BRIP1: variants seen among roughly 807,000 people sequenced by gnomAD.
BRIP1 encodes BRCA1 interacting DNA helicase 1, also known as Fanconi anemia group J protein.
A neutral mutation model predicts 119.7 loss-of-function variants in BRIP1; 88 were observed. The observed-to-expected ratio is 0.74, with a 90% CI of 0.62 to 0.88. BRIP1 has a LOEUF of 0.88. Ranked by LOEUF, BRIP1 falls within the 40% of genes least tolerant of loss-of-function variation. BRIP1 has a pLI of 0.00. For synonymous variants in BRIP1, 443 were observed against 496.5 expected (o/e 0.89, Z 1.43); for missense variants, 1,259 against 1,455.4 (o/e 0.87, Z 2.20).
In BRIP1 at chr17:61,789,591, ATATCAGAACTGTTTAT is replaced by A. The variant is rs1262486880; in HGVS notation, c.1473+3990_1473+4005del. On this transcript the variant is annotated intron_variant, in intron 10 of 19. Transcript: ENST00000259008. The surrounding 1 kb of genome is among the most constrained non-coding windows in gnomAD (Gnocchi z 4.8). Reference sequence around the variant, plus strand: ...AAACCACAATTCATAAGGGATGTTCATATCAGAACTGTTTATTATACTGGGAAACTGGAAATAACCT... The same window carrying A: ...AAACCACAATTCATAAGGGATGTTCATATACTGGGAAACTGGAAATAACCT... Among the ~76,000 whole-genome samples, 1 of 152,188 alleles carries A rather than the reference ATATCAGAACTGTTTAT, an allele frequency of 6.6e-6. No homozygotes were observed. Among genetic ancestry groups the A allele is most frequent in the Non-Finnish European group, 1.5e-5 (1 of 68,032 alleles).
intron 17 of BRIP1, among the ~76,000 whole-genome samples, chr17:61,711,285 G>C (rs944713892): frequency 6.6e-5 from 10 of 151,848 alleles, no homozygotes; most frequent in African/African-American, 2.4e-4. Context: ...ACTGAGCTAA[G>C]AATACTTATT....
chr17:61,686,035 T>C lies in BRIP1; in HGVS notation c.2706A>G (p.Ile902Met), dbSNP rs587780244. 1.5e-5 allele frequency: 24 copies of C among 1,613,818 alleles called. No individual in the cohort carries two copies. The highest frequency in any genetic ancestry group is 5.1e-6 in the Non-Finnish European group (6 of 1,179,904). The change falls in exon 19 of 20, where the codon ATA becomes ATG. Residue 902 changes from isoleucine to methionine, a missense_variant. Physicochemically the swap from Ile to Met is conservative, Grantham distance 10. Around this residue, in one of 3 missense-constraint regions of BRIP1, gnomAD observed 753 missense variants for 891.8 expected, o/e 0.84. Transcript: ENST00000259008. The surrounding 1 kb of genome is among the most constrained non-coding windows in gnomAD (Gnocchi z 5.4). Reference sequence around the variant, plus strand: ...CTTCAAGTGTAGACTCATTGTCCTGTATATTGGTTCTGTCCTTTATGGATA... The same window carrying C: ...CTTCAAGTGTAGACTCATTGTCCTGCATATTGGTTCTGTCCTTTATGGATA... ...LNVSIKDRTN[I>M]QDNESTLEVT...
rs2077501454 is a variant in BRIP1, at chr17:61,774,285, G to A, written c.2097+2116C>T. Among the ~76,000 whole-genome samples the A allele has an allele frequency of 6.6e-6, 1 of 152,114 alleles. No individual in the cohort carries two copies. The highest frequency in any genetic ancestry group is 6.6e-5 in the Admixed American group (1 of 15,264). On this transcript the variant is annotated intron_variant, in intron 14 of 19. Transcript: ENST00000259008. The surrounding 1 kb of genome is among the most constrained non-coding windows in gnomAD (Gnocchi z 5.8). ...AAAGGATGAGTTCATGTCCTTTGCA[G>A]GGACATGGATGAAGCTGGAAACCAT...
chr17:61,846,972 G>C lies in BRIP1; in HGVS notation c.627+129C>G. 1 of 1,025,122 alleles carries C rather than the reference G, an allele frequency of 9.8e-7. No individual in the cohort carries two copies. The highest frequency in any genetic ancestry group is 1.5e-6 in the Non-Finnish European group (1 of 676,788). 63.5% of individuals were successfully genotyped at this position (1,025,122 alleles called of 1,614,324 possible). Reference sequence around the variant, plus strand: ...ACACATTAGTAACAGAGATGTGACAGCATTGAGGACTTCTGAGTGGGTTGC... The same window carrying C: ...ACACATTAGTAACAGAGATGTGACACCATTGAGGACTTCTGAGTGGGTTGC... On this transcript the variant is annotated intron_variant, in intron 6 of 19. Transcript: ENST00000259008. The surrounding 1 kb of genome is among the most constrained non-coding windows in gnomAD (Gnocchi z 4.3).
rs2077178983 is a variant in BRIP1 at position 61,754,840 on chromosome 17, T to C, written c.2098-10249A>G. Among the ~76,000 whole-genome samples the C allele has an allele frequency of 6.6e-6, 1 of 152,102 alleles. No individual in the cohort carries two copies. The highest frequency in any genetic ancestry group is 2.4e-5 in the African/African-American group (1 of 41,410). On this transcript the variant is annotated intron_variant, in intron 14 of 19. Coordinates refer to ENST00000259008, the MANE Select transcript of BRIP1 (RefSeq NM_032043.3). The surrounding 1 kb of genome is among the most constrained non-coding windows in gnomAD (Gnocchi z 4.1). ...TGAAGTTTTCTGGTGTCTCTTCTTA[T>C]AAGAACACTAATCCTATCAGATAAG... is the stretch of plus-strand genomic sequence containing the variant.
In BRIP1 at chr17:61,804,064, C is replaced by T. The variant is rs933012633; in HGVS notation, c.919-2590G>A. On this transcript the variant is annotated intron_variant, in intron 7 of 19. Coordinates refer to ENST00000259008, the MANE Select transcript of BRIP1 (RefSeq NM_032043.3). The surrounding 1 kb of genome is among the most constrained non-coding windows in gnomAD (Gnocchi z 4.5). ...AAATTGCTTTTTTAAAGAATATGTG[C>T]ACATACATTATAGCAAATACATTTT... 2.8e-4 allele frequency among the ~76,000 whole-genome samples: 42 copies of T among 152,038 alleles called. No individual in the cohort carries two copies. The highest frequency in any genetic ancestry group is 1.6e-3 in the Admixed American group (25 of 15,260).
chr17:61,689,551 G>A lies in BRIP1; in HGVS notation c.2576-3386C>T, dbSNP rs956986482. ...CGAAAACTTAATAAACCTGGGGGGA[G>A]GAAAATGACATCCAAATACATGAAG... On this transcript the variant is annotated intron_variant, in intron 18 of 19. Transcript: ENST00000259008. This position sits in a 1 kb window ranked among gnomAD's most constrained non-coding sequence, Gnocchi z 4.5. Among the ~76,000 whole-genome samples the A allele has an allele frequency of 6.6e-5, 10 of 152,046 alleles. No homozygotes were observed. The highest frequency in any genetic ancestry group is 5.9e-5 in the Non-Finnish European group (4 of 68,006).
rs1278632189 is a variant in BRIP1 at position 61,860,457 on chromosome 17, C to T, written c.94-550G>A. 6.6e-6 allele frequency among the ~76,000 whole-genome samples: 1 copy of T among 152,044 alleles called. No individual in the cohort carries two copies. Among genetic ancestry groups the T allele is most frequent in the Non-Finnish European group, 1.5e-5 (1 of 68,010 alleles). The stretch of plus-strand genomic sequence containing the variant: ...GGTGGATCATTTGAGGTCAGGAGTT[C>T]GAGACCAGCCTGGCCAACACGGTGA... On this transcript the variant is annotated intron_variant, in intron 2 of 19. Coordinates refer to ENST00000259008, the MANE Select transcript of BRIP1 (RefSeq NM_032043.3). This position sits in a 1 kb window ranked among gnomAD's most constrained non-coding sequence, Gnocchi z 4.1.
Position 61,846,753 on chromosome 17 carries a change from A to G in BRIP1, c.627+348T>C, listed in dbSNP as rs2078739384. ...CAGATCACTCCCCAAAAAAATCTCA[A>G]TATCTAGAACTCCTTGGACTACTCC... On this transcript the variant is annotated intron_variant, in intron 6 of 19. Coordinates refer to ENST00000259008, the MANE Select transcript of BRIP1 (RefSeq NM_032043.3). The surrounding 1 kb of genome is among the most constrained non-coding windows in gnomAD (Gnocchi z 4.3). Among the ~76,000 whole-genome samples the G allele has an allele frequency of 6.6e-6, 1 of 152,168 alleles. No individual in the cohort carries two copies. The highest frequency in any genetic ancestry group is 1.5e-5 in the Non-Finnish European group (1 of 68,034).
intron 13 of BRIP1, among the ~76,000 whole-genome samples, chr17:61,777,886 T>G (rs567334057): frequency 6.6e-6 from 1 of 152,078 alleles, no homozygotes; most frequent in East Asian, 1.9e-4. Flanking sequence ...TCCCCAGAGG[T>G]TGAGGAATGG....
At chr17:61,781,791 G>A (rs1339016832) in intron 11 of BRIP1, among the ~76,000 whole-genome samples, 1 of 151,620 alleles carries the variant, frequency 6.6e-6, no homozygotes, top group Admixed American at 6.6e-5. Flanking sequence ...TGTGGTGGCA[G>A]TCGCCTGTAA....
At position 61,689,899 on chromosome 17, in the gene BRIP1, C is replaced by G. The variant is rs2061423284; in HGVS notation, c.2575+3531G>C. On this transcript the variant is annotated intron_variant, in intron 18 of 19. Transcript: ENST00000259008. This position sits in a 1 kb window ranked among gnomAD's most constrained non-coding sequence, Gnocchi z 4.5. The stretch of plus-strand genomic sequence containing the variant: ...TGGTGGTGCATGCCTGTAGTCCCAG[C>G]TGAGGCTGAGGTGGGAGGATCACTT... Among the ~76,000 whole-genome samples the G allele has an allele frequency of 6.6e-6, 1 of 152,080 alleles. No individual in the cohort carries two copies. Among genetic ancestry groups the G allele is most frequent in the African/African-American group, 2.4e-5 (1 of 41,410 alleles).
At position 61,713,173 on chromosome 17, in the gene BRIP1, G is replaced by A. The variant is rs2061805805; in HGVS notation, c.2492+2778C>T. Among the ~76,000 whole-genome samples the A allele has an allele frequency of 6.6e-6, 1 of 152,102 alleles. No individual in the cohort carries two copies. Among genetic ancestry groups the A allele is most frequent in the African/African-American group, 2.4e-5 (1 of 41,394 alleles). On this transcript the variant is annotated intron_variant, in intron 17 of 19. Coordinates refer to ENST00000259008, the MANE Select transcript of BRIP1 (RefSeq NM_032043.3). The surrounding 1 kb of genome is among the most constrained non-coding windows in gnomAD (Gnocchi z 4.9). Reference sequence around the variant, plus strand: ...CTGGTGTAAACAAACCTACTGTGCTGCTAGTCTTATAAAAGTATAGCACAT... The same window carrying A: ...CTGGTGTAAACAAACCTACTGTGCTACTAGTCTTATAAAAGTATAGCACAT...
intron 8 of BRIP1, 83 bp downstream of exon 8, chr17:61,801,169 AT>A: frequency 7.4e-7 from 1 of 1,345,874 alleles, no homozygotes; most frequent in Non-Finnish European, 1.1e-6. Context: ...AGCAAAAAAA[AT>A]TAAAACATCT....
chr17:61,701,975 G>C lies in BRIP1; in HGVS notation c.2493-8463C>G, dbSNP rs2061621531. On this transcript the variant is annotated intron_variant, in intron 17 of 19. Coordinates refer to ENST00000259008, the MANE Select transcript of BRIP1 (RefSeq NM_032043.3). The surrounding 1 kb of genome is among the most constrained non-coding windows in gnomAD (Gnocchi z 5.1). Reference sequence around the variant, plus strand: ...AAGGCTATTGTGAACTTGGAGAGAGGTGAGAACAGAGCAAGTTAAAATACC... The same window carrying C: ...AAGGCTATTGTGAACTTGGAGAGAGCTGAGAACAGAGCAAGTTAAAATACC... Among the ~76,000 whole-genome samples the C allele has an allele frequency of 6.6e-6, 1 of 152,192 alleles. No individual in the cohort carries two copies. The highest frequency in any genetic ancestry group is 6.5e-5 in the Admixed American group (1 of 15,288).
At chr17:61,788,821 G>A (rs531974167) in intron 10 of BRIP1, among the ~76,000 whole-genome samples, 2 of 152,102 alleles carry the variant, frequency 1.3e-5, no homozygotes, top group South Asian at 2.1e-4. Context: ...AGCCAGGCAC[G>A]GGTGGCTCAT....
At chr17:61,835,973 C>A (rs1227344768) in intron 6 of BRIP1, among the ~76,000 whole-genome samples, 1 of 151,866 alleles carries the variant, frequency 6.6e-6, no homozygotes, top group Admixed American at 6.6e-5. Context: ...CTAGAAAGAT[C>A]CTCATGAAAG....
chr17:61,733,108 T>G (rs2144588074), intron 16 of BRIP1, among the ~76,000 whole-genome samples: 1 of 152,368 alleles, frequency 6.6e-6, no homozygotes, highest in Middle Eastern at 3.4e-3. Flanking sequence ...CTTGATATAC[T>G]ACAGTCCTTT....
In BRIP1 at chr17:61,794,848, G is replaced by A. The variant is rs1257112252; in HGVS notation, c.1341-1119C>T. ...TTATTCTAATAACTGAATGCAAAAA[G>A]TATCCAGTCATGGGAGAATCAGAAG... On this transcript the variant is annotated intron_variant, in intron 9 of 19. Coordinates refer to ENST00000259008, the MANE Select transcript of BRIP1 (RefSeq NM_032043.3). The surrounding 1 kb of genome is among the most constrained non-coding windows in gnomAD (Gnocchi z 4.3). Among the ~76,000 whole-genome samples, 1 of 119,482 alleles carries A rather than the reference G, an allele frequency of 8.4e-6. No individual in the cohort carries two copies. Among genetic ancestry groups the A allele is most frequent in the Non-Finnish European group, 1.7e-5 (1 of 57,660 alleles). The allele number at this position is 119,482 out of a possible 152,430, so 78.4% of individuals were successfully genotyped here.
Sources: gnomAD v4.1 joint callset for allele counts (sites outside exome capture counted in the v4.1 genomes callset) on GRCh38, gnomAD v4.1.1 for gene constraint, gnomAD v4.1.1 regional missense constraint, Gnocchi (gnomAD v3.1) non-coding constraint, MANE v1.5 for transcripts, NCBI Gene and HGNC (gene_info 2026-07-23, HGNC 2026-07-21) for gene names.